The following TEF variants were observed in gnomAD, a reference collection of about 807,000 sequenced individuals.
TEF encodes the protein TEF transcription factor, PAR bZIP family member.
TEF carries 3 observed loss-of-function variants against 20.8 expected under a neutral mutation model. The observed-to-expected ratio is 0.14, with a 90% CI of 0.07 to 0.37. TEF has a LOEUF of 0.37. Ranked by LOEUF, TEF falls within the 10% of genes least tolerant of loss-of-function variation. TEF has a pLI of 1.00. For synonymous variants in TEF, 180 were observed against 171.1 expected, an observed-to-expected ratio of 1.05 and a Z score of -0.41; for missense variants, 296 against 397.9, an observed-to-expected ratio of 0.74 and a Z score of 2.18.
upstream of TEF, chr22:41,381,865 T>G (rs1008602924): frequency 3.3e-6 from 4 of 1,215,908 alleles, no homozygotes; most frequent in African/African-American, 3.1e-5. Flanking sequence ...CCTGGCCTCA[T>G]GAATAATTAA....
rs1232021860 is a variant in TEF at position 41,397,457 on chromosome 22, G to A, written c.*1497G>A. On this transcript the variant is annotated 3_prime_UTR_variant, in exon 4 of 4. Coordinates refer to ENST00000266304, the MANE Select transcript of TEF (RefSeq NM_003216.4). ...TGAAGAGGAGACAGAGGCGATGGGCGTGCTTCGTCCTCCGTAACACTGGCT... is the reference window on the plus strand; with the variant it reads ...TGAAGAGGAGACAGAGGCGATGGGCATGCTTCGTCCTCCGTAACACTGGCT... The A allele has an allele frequency of 9.8e-6, 2 of 205,058 alleles. No individual in the cohort carries two copies. Among genetic ancestry groups the A allele is most frequent in the African/African-American group, 2.3e-5 (1 of 43,594 alleles). The allele number at this position is 205,058 out of a possible 1,614,324, so 12.7% of individuals were successfully genotyped here.
At chr22:41,391,848 C>A (rs2037171297) in intron 2 of TEF, among the ~76,000 whole-genome samples, 1 of 152,068 alleles carries the variant, frequency 6.6e-6, no homozygotes, top group Admixed American at 6.6e-5. Context: ...GTCTCGATCT[C>A]TTGACCTCGT....
At chr22:41,376,805 T>C (rs1406329066) in intron 1 of TEF, among the ~76,000 whole-genome samples, 2 of 152,168 alleles carry the variant, frequency 1.3e-5, no homozygotes, top group African/African-American at 4.8e-5. Flanking sequence ...ACATCACAGG[T>C]CATCCTCACA....
rs1443764594 is a variant in TEF, at chr22:41,396,675, C to T, written c.*715C>T. The T allele has an allele frequency of 8.6e-6, 3 of 349,082 alleles. No homozygotes were observed. The highest frequency in any genetic ancestry group is 1.5e-5 in the Non-Finnish European group (3 of 195,318). 21.6% of individuals were successfully genotyped at this position (349,082 alleles called of 1,614,324 possible). A position where few individuals can be genotyped will look rare whatever the true frequency, so the allele number is the denominator to read the frequency against. ...TTTCATTGGCTGTGGAGGAGAGACT[C>T]CTAGGATGGCTGCTGTCTGAGCCAT... On this transcript the variant is annotated 3_prime_UTR_variant, in exon 4 of 4. Transcript: ENST00000266304.
chr22:41,383,160 G>A (rs575744182), intron 1 of TEF, among the ~76,000 whole-genome samples: 1 of 152,190 alleles, frequency 6.6e-6, no homozygotes, highest in African/African-American at 2.4e-5. Flanking sequence ...AGAGTTGTCT[G>A]GCCTGGGGAA....
chr22:41,395,092 C>T (rs991079594), intron 3 of TEF, among the ~76,000 whole-genome samples: 5 of 152,082 alleles, frequency 3.3e-5, no homozygotes, highest in African/African-American at 7.2e-5. Flanking sequence ...CTGCAACTTC[C>T]GCCTCCCAGG....
chr22:41,372,818 T>G (rs1035170266), intron 1 of TEF, among the ~76,000 whole-genome samples: 1 of 151,918 alleles, frequency 6.6e-6, no homozygotes, highest in African/African-American at 2.4e-5. Flanking sequence ...GCATTTGAAC[T>G]GAGGCCTGGA....
In TEF at chr22:41,394,089, C is replaced by A. The variant is rs1272709872; in HGVS notation, c.476-7C>A. On this transcript the variant is annotated splice_polypyrimidine_tract_variant and splice_region_variant and intron_variant, in intron 2 of 3. Transcript: ENST00000266304. ...GCTTCGGGACCACCTGTCTCTGTGTCTTTTAGAATCTTCCCTGGAGAAGGA... is the reference window on the plus strand; with the variant it reads ...GCTTCGGGACCACCTGTCTCTGTGTATTTTAGAATCTTCCCTGGAGAAGGA... The A allele has an allele frequency of 1.2e-6, 2 of 1,613,596 alleles. No homozygotes were observed.
rs895194347 is a variant in TEF, at chr22:41,396,242, A to G, written c.*282A>G. 1 of 399,290 alleles carries G rather than the reference A, an allele frequency of 2.5e-6. No homozygotes were observed. The highest frequency in any genetic ancestry group is 4.7e-6 in the Non-Finnish European group (1 of 214,820). The allele number at this position is 399,290 out of a possible 1,614,324, so 24.7% of individuals were successfully genotyped here. A position where few individuals can be genotyped will look rare whatever the true frequency, so the allele number is the denominator to read the frequency against. On this transcript the variant is annotated 3_prime_UTR_variant, in exon 4 of 4. Transcript: ENST00000266304. ...TTCTTGGATGTCCCAGTTGAATCAG[A>G]AGGGGACCTCTGGAGTACACACCTC...
At position 41,386,927 on chromosome 22, in the gene TEF, C is replaced by G. The variant is rs571837987; in HGVS notation, c.158-424C>G. Among the ~76,000 whole-genome samples the G allele has an allele frequency of 1.6e-4, 25 of 152,048 alleles. No homozygotes were observed. The South Asian group carries it at 4.0e-3, about 24-fold the overall frequency. ...GGCATGGTGGTGCGTACCTGTAATCCCAGCTACTCGGGAGTCTGAGGCACA... is the reference window on the plus strand; with the variant it reads ...GGCATGGTGGTGCGTACCTGTAATCGCAGCTACTCGGGAGTCTGAGGCACA... On this transcript the variant is annotated intron_variant, in intron 1 of 3. Transcript: ENST00000266304.
intron 1 of TEF, among the ~76,000 whole-genome samples, chr22:41,370,463 A>G (rs1159418122): frequency 2.2e-5 from 3 of 136,126 alleles, no homozygotes; most frequent in African/African-American, 8.6e-5. Context: ...CCCAGGCTGG[A>G]GTGCAGTGGT....
chr22:41,395,488 G>A (rs1273179582), intron 3 of TEF, among the ~76,000 whole-genome samples: 4 of 152,180 alleles, frequency 2.6e-5, no homozygotes, highest in African/African-American at 4.8e-5. Context: ...TGCTGGAGCA[G>A]CAGGTACCAG....
At chr22:41,391,615 C>G (rs5751091) in intron 2 of TEF, among the ~76,000 whole-genome samples, 8,770 of 149,478 alleles carry the variant, frequency 0.059, 993 homozygotes, top group East Asian at 0.44. Context: ...CACACCAGGC[C>G]GGCATCTGAC....
rs2037227049 is a variant in TEF at position 41,396,271 on chromosome 22, C to T, written c.*311C>T. The T allele has an allele frequency of 3.2e-6, 1 of 308,202 alleles. No homozygotes were observed. The highest frequency in any genetic ancestry group is 2.1e-5 in the African/African-American group (1 of 47,324). The allele number at this position is 308,202 out of a possible 1,614,324, so 19.1% of individuals were successfully genotyped here. A position where few individuals can be genotyped will look rare whatever the true frequency, so the allele number is the denominator to read the frequency against. On this transcript the variant is annotated 3_prime_UTR_variant, in exon 4 of 4. Transcript: ENST00000266304. ...GGACCTCTGGAGTACACACCTCTCT[C>T]CTGGGCGCTCAGGGTCCCTGGACTC...
intron 1 of TEF, among the ~76,000 whole-genome samples, chr22:41,370,567 C>A (rs1414963183): frequency 6.6e-6 from 1 of 152,002 alleles, no homozygotes; most frequent in African/African-American, 2.4e-5. Context: ...CACCCGCCAC[C>A]ACGCCCGGCT....
chr22:41,377,382 T>C (rs969167083), upstream of TEF: 7 of 152,152 alleles, frequency 4.6e-5, no homozygotes, highest in African/African-American at 1.7e-4. Flanking sequence ...CTCTTTCTCT[T>C]TTTTCCCCCT....
chr22:41,382,658 G>A (rs939800181), intron 1 of TEF, among the ~76,000 whole-genome samples: 3 of 152,122 alleles, frequency 2.0e-5, no homozygotes, highest in African/African-American at 7.2e-5. Flanking sequence ...GCCTAGGGTA[G>A]CGAACTGTCA....
In TEF at chr22:41,383,444, A is replaced by G. The variant is rs150033839; in HGVS notation, c.157+1243A>G. Among the ~76,000 whole-genome samples, 202 of 152,304 alleles carry G rather than the reference A, an allele frequency of 1.3e-3. 1 individual carries two copies. The highest frequency in any genetic ancestry group is 4.7e-3 in the African/African-American group (194 of 41,546). The stretch of plus-strand genomic sequence containing the variant: ...TGAAATTACCAGGTAATAACCATCC[A>G]TAACAAGAATTCTACCCGATATTCG... On this transcript the variant is annotated intron_variant, in intron 1 of 3. Transcript: ENST00000266304.
upstream of TEF, among the ~76,000 whole-genome samples, chr22:41,377,015 G>C (rs752963498): frequency 3.3e-5 from 5 of 152,036 alleles, no homozygotes; most frequent in Middle Eastern, 3.2e-3. Context: ...TTGGTTTTTT[G>C]GAGACAGGGT....
Sources: allele counts gnomAD v4.1 joint callset (sites outside exome capture counted in the v4.1 genomes callset), GRCh38; gene constraint gnomAD v4.1.1; transcripts MANE v1.5; gene names NCBI Gene and HGNC (gene_info 2026-07-23, HGNC 2026-07-21).